Variants in RASGRP3 observed in about 807,000 individuals in gnomAD.
The protein encoded by RASGRP3 is ras guanyl-releasing protein 3.
A neutral mutation model predicts 82.7 loss-of-function variants in RASGRP3; 54 were observed. The observed-to-expected ratio is 0.65, with a 90% CI of 0.52 to 0.82. The LOEUF (loss-of-function observed/expected upper bound fraction) is 0.82. Among genes scored for constraint, RASGRP3 ranks in the 40% least tolerant of loss-of-function variants. The pLI, the probability that RASGRP3 is intolerant of heterozygous loss-of-function variation, is 0.00. For missense variants in RASGRP3, 861 were observed against 828.9 expected, an observed-to-expected ratio of 1.04 and a Z score of -0.48; for synonymous variants, 309 against 300.5, an observed-to-expected ratio of 1.03 and a Z score of -0.29.
chr2:33,556,229 A>ATTTTTTTTT (rs1675932842), intron 15 of RASGRP3, among the ~76,000 whole-genome samples: 5 of 86,954 alleles, frequency 5.8e-5, no homozygotes, highest in African/African-American at 3.3e-4. Context: ...TCTTCTAATA[A>ATTTTTTTTT]TCTTTTTTTT....
At chr2:33,529,206 G>T (rs553350376) in intron 10 of RASGRP3, among the ~76,000 whole-genome samples, 6 of 152,078 alleles carry the variant, frequency 3.9e-5, no homozygotes, top group Non-Finnish European at 7.4e-5. Context: ...AAAATTTCAG[G>T]AGTACTGGCT....
intron 12 of RASGRP3, among the ~76,000 whole-genome samples, chr2:33,543,092 T>A (rs1056272169): frequency 2.0e-5 from 3 of 152,170 alleles, no homozygotes; most frequent in African/African-American, 7.2e-5. Context: ...TGGCTCATTG[T>A]AACCTCAAAC....
chr2:33,478,748 A>G (rs930783441), intron 1 of RASGRP3, among the ~76,000 whole-genome samples: 27 of 152,336 alleles, frequency 1.8e-4, no homozygotes, highest in Admixed American at 3.3e-4. Context: ...AACTGTAGCA[A>G]ATTTATCGGA....
chr2:33,473,724 G>C (rs1289967719), upstream of RASGRP3, among the ~76,000 whole-genome samples: 1 of 152,154 alleles, frequency 6.6e-6, no homozygotes, highest in Non-Finnish European at 1.5e-5. Flanking sequence ...CCTGGGTCTT[G>C]GCCTCTGTGT....
chr2:33,464,313 T>C (rs1415644800), intron 2 of RASGRP3, among the ~76,000 whole-genome samples: 1 of 150,534 alleles, frequency 6.6e-6, no homozygotes, highest in Non-Finnish European at 1.5e-5. Flanking sequence ...AGAGTCGGGG[T>C]CTTACCATGT....
chr2:33,443,708 C>CT (rs970065355), intron 1 of RASGRP3, among the ~76,000 whole-genome samples: 7 of 105,906 alleles, frequency 6.6e-5, no homozygotes, highest in South Asian at 3.1e-4. Flanking sequence ...GATCCTGTCT[C>CT]TAAAAAAAAA....
chr2:33,514,865 T>C, intron 2 of RASGRP3, 145 bp from the exon 3 acceptor site: 1 of 426,810 alleles, frequency 2.3e-6, no homozygotes, highest in Admixed American at 3.7e-5. Flanking sequence ...TCATAAAAGG[T>C]TGATGTAATC....
At chr2:33,505,695 C>T (rs762238538) in intron 1 of RASGRP3, among the ~76,000 whole-genome samples, 71 of 152,198 alleles carry the variant, frequency 4.7e-4, no homozygotes, top group Non-Finnish European at 9.0e-4. Context: ...ACTTCTGAGG[C>T]TCAAGTTTCC....
chr2:33,460,672 G>A (rs1182806528), intron 2 of RASGRP3, among the ~76,000 whole-genome samples: 2 of 151,880 alleles, frequency 1.3e-5, no homozygotes, highest in Admixed American at 1.3e-4. Flanking sequence ...AAGCCGCCAT[G>A]CCCGGCTAAT....
rs879627979 is a variant in RASGRP3, at chr2:33,544,313, CA to C, written c.1394+698del. ...TGGGTGACTGAGTGAGACTCTGTCT[CA>C]AAAAAAAAAAACTCACTTATAGTCT... On this transcript the variant is annotated intron_variant, in intron 13 of 17. Transcript: ENST00000403687. Among the ~76,000 whole-genome samples, 435 of 132,724 alleles carry C rather than the reference CA, an allele frequency of 3.3e-3. 1 individual carries two copies. Among genetic ancestry groups the C allele is most frequent in the African/African-American group, 8.9e-3 (321 of 35,946 alleles). The allele number at this position is 132,724 out of a possible 152,430, so 87.1% of individuals were successfully genotyped here. A position where few individuals can be genotyped will look rare whatever the true frequency, so the allele number is the denominator to read the frequency against.
chr2:33,465,284 G>A (rs982814695), intron 2 of RASGRP3, among the ~76,000 whole-genome samples: 5 of 152,222 alleles, frequency 3.3e-5, no homozygotes, highest in Admixed American at 2.0e-4. Context: ...CTAGAGCAAA[G>A]TCCTAATTCT....
At chr2:33,507,048 G>T (rs1670443429) in intron 1 of RASGRP3, among the ~76,000 whole-genome samples, 1 of 152,088 alleles carries the variant, frequency 6.6e-6, no homozygotes, top group East Asian at 1.9e-4. Flanking sequence ...GGAATGAGAA[G>T]GAAAATTTAA....
intron 2 of RASGRP3, among the ~76,000 whole-genome samples, chr2:33,467,153 C>G (rs1002756982): frequency 6.6e-6 from 1 of 152,034 alleles, no homozygotes; most frequent in African/African-American, 2.4e-5. Context: ...TTCCTCTTTT[C>G]TCCCAGAGAG....
rs144056045 is a variant in RASGRP3, at chr2:33,536,490, T to C, written c.1161+2090T>C. 4.3e-4 allele frequency among the ~76,000 whole-genome samples: 65 copies of C among 152,090 alleles called. 1 individual carries two copies. The East Asian group carries it at 0.011, about 27-fold the overall frequency. ...ACCATCCCTCATCTCAGGGACAACT[T>C]AGGAATAGCCATTTTACCACACTTG... On this transcript the variant is annotated intron_variant, in intron 11 of 17. Coordinates refer to ENST00000403687, the MANE Select transcript of RASGRP3 (RefSeq NM_001139488.2).
At chr2:33,439,407 A>G (rs189153842) in intron 1 of RASGRP3, among the ~76,000 whole-genome samples, 31 of 152,234 alleles carry the variant, frequency 2.0e-4, no homozygotes, top group Admixed American at 1.4e-3. Context: ...GACATCTATG[A>G]TAAGAATGGA....
chr2:33,504,620 C>T (rs558320714), intron 1 of RASGRP3, among the ~76,000 whole-genome samples: 2 of 152,288 alleles, frequency 1.3e-5, no homozygotes, highest in East Asian at 3.9e-4. Flanking sequence ...AAATCCTTTC[C>T]CTTGTTTTTA....
intron 1 of RASGRP3, among the ~76,000 whole-genome samples, chr2:33,477,348 C>A (rs1188913258): frequency 2.0e-5 from 3 of 152,054 alleles, no homozygotes; most frequent in African/African-American, 4.8e-5. Context: ...CTTTTTTTCC[C>A]CCCAACAAGC....
chr2:33,448,149 C>A (rs1665597895), intron 2 of RASGRP3, among the ~76,000 whole-genome samples: 1 of 152,164 alleles, frequency 6.6e-6, no homozygotes, highest in East Asian at 1.9e-4. Flanking sequence ...TTCAGAAATG[C>A]TATAACATTT....
intron 2 of RASGRP3, among the ~76,000 whole-genome samples, chr2:33,513,259 C>A (rs977574409): frequency 6.6e-6 from 1 of 152,174 alleles, no homozygotes; most frequent in African/African-American, 2.4e-5. Context: ...TAATAGAGGG[C>A]AAACATTTTT....
Sources: allele counts gnomAD v4.1 joint callset (sites outside exome capture counted in the v4.1 genomes callset), GRCh38; gene constraint gnomAD v4.1.1; transcripts MANE v1.5; gene names NCBI Gene and HGNC (gene_info 2026-07-23, HGNC 2026-07-21).